The following DPP6 variants were observed in gnomAD, a reference collection of about 807,000 sequenced individuals.
DPP6 encodes A-type potassium channel modulatory protein DPP6.
In DPP6, 69 loss-of-function variants were observed where a neutral mutation model predicts 122.6. The ratio of observed to expected loss-of-function variants is 0.56; its 90% CI spans 0.46 to 0.69. The LOEUF (loss-of-function observed/expected upper bound fraction) is 0.69. DPP6 is among the 30% of genes least tolerant of loss of function. DPP6 has a pLI of 0.00. For synonymous variants in DPP6, 418 were observed against 433.1 expected (o/e 0.97, Z 0.43); for missense variants, 928 against 1,116.9 (o/e 0.83, Z 2.41).
chr7:154,021,007 G>C (rs1798672264), intron 1 of DPP6, among the ~76,000 whole-genome samples: 2 of 152,292 alleles, frequency 1.3e-5, no homozygotes, highest in African/African-American at 2.4e-5. Context: ...ATGATGGGGA[G>C]ATGTGGGAAA....
intron 1 of DPP6, among the ~76,000 whole-genome samples, chr7:154,313,369 G>T (rs990349485): frequency 4.6e-5 from 7 of 152,062 alleles, no homozygotes; most frequent in African/African-American, 1.7e-4. Context: ...AACAGGAACT[G>T]TGATATGAAA....
At chr7:154,072,069 A>AT (rs2150510422) in intron 1 of DPP6, among the ~76,000 whole-genome samples, 1 of 152,338 alleles carries the variant, frequency 6.6e-6, no homozygotes, top group Admixed American at 6.5e-5. Flanking sequence ...GAGTGTACTG[A>AT]TTAGAGTTTC....
At chr7:154,725,593 C>T (rs1482279198) in intron 7 of DPP6, among the ~76,000 whole-genome samples, 2 of 152,192 alleles carry the variant, frequency 1.3e-5, no homozygotes, top group African/African-American at 4.8e-5. Context: ...CAGGCCCCAC[C>T]TCCAATATTA....
the DPP6 span, among the ~76,000 whole-genome samples, chr7:153,875,763 C>T: frequency 0.015 from 2,325 of 151,464 alleles, 31 homozygotes; most frequent in Non-Finnish European, 0.023. Flanking sequence ...AGAGGAAAAA[C>T]GGGACAAACA....
At chr7:154,335,044 T>C (rs1390776125) in intron 1 of DPP6, among the ~76,000 whole-genome samples, 2 of 43,298 alleles carry the variant, frequency 4.6e-5, no homozygotes, top group African/African-American at 2.3e-4. Context: ...ACTGAAATGA[T>C]GATTTCAGTT....
chr7:154,602,001 G>A lies in DPP6; in HGVS notation c.627+35085G>A, dbSNP rs1223659856. Among the ~76,000 whole-genome samples the A allele has an allele frequency of 1.7e-5, 2 of 121,096 alleles. 1 individual carries two copies. The highest frequency in any genetic ancestry group is 3.7e-5 in the Non-Finnish European group (2 of 53,642). 79.4% of individuals were successfully genotyped at this position (121,096 alleles called of 152,430 possible). On this transcript the variant is annotated intron_variant, in intron 5 of 25. Transcript: ENST00000377770. ...ATTAGGTTGGTGCAAAAGTAATTGT[G>A]GTTCTTGCCAGTAAAAGTAATACTT...
chr7:154,165,653 T>A (rs1327484145), intron 1 of DPP6, among the ~76,000 whole-genome samples: 1 of 151,870 alleles, frequency 6.6e-6, no homozygotes, highest in East Asian at 1.9e-4. Context: ...TTTCTCCACA[T>A]CCTCTCCATC....
intron 1 of DPP6, among the ~76,000 whole-genome samples, chr7:154,078,894 T>A (rs1193011639): frequency 1.2e-4 from 17 of 140,532 alleles, no homozygotes; most frequent in African/African-American, 4.2e-4. Context: ...TAAATTTTTT[T>A]AAATTCAAAA....
intron 1 of DPP6, among the ~76,000 whole-genome samples, chr7:154,200,191 C>CT (rs75771640): frequency 6.6e-5 from 10 of 151,046 alleles, no homozygotes; most frequent in African/African-American, 1.2e-4. Context: ...TTCCTGGCTC[C>CT]TTTTTTTTTA....
intron 1 of DPP6, among the ~76,000 whole-genome samples, chr7:154,178,332 C>A (rs572163618): frequency 4.6e-5 from 7 of 152,100 alleles, no homozygotes; most frequent in African/African-American, 1.7e-4. Context: ...CCAGGCCCCA[C>A]ACCTCTTTTA....
chr7:154,074,425 AG>A (rs1803404985), intron 1 of DPP6, among the ~76,000 whole-genome samples: 1 of 152,238 alleles, frequency 6.6e-6, no homozygotes, highest in African/African-American at 2.4e-5. Context: ...ATAAAGTCTT[AG>A]TAATTCTGAT....
chr7:153,756,125 T>A, the DPP6 span, among the ~76,000 whole-genome samples: 1 of 152,028 alleles, frequency 6.6e-6, no homozygotes, highest in African/African-American at 2.4e-5. Context: ...GATTTTGGAC[T>A]TGAATCAGAC....
At chr7:153,767,680 A>C in the DPP6 span, among the ~76,000 whole-genome samples, 1 of 47,374 alleles carries the variant, frequency 2.1e-5, no homozygotes, top group African/African-American at 7.2e-5. Flanking sequence ...TGCCCAGCCT[A>C]AAAAAAAGTG....
chr7:154,370,852 G>C (rs1000691061), intron 1 of DPP6, among the ~76,000 whole-genome samples: 2 of 152,146 alleles, frequency 1.3e-5, no homozygotes, highest in Non-Finnish European at 2.9e-5. Flanking sequence ...CATTCTGTAG[G>C]AAAGTGAGTG....
intron 5 of DPP6, among the ~76,000 whole-genome samples, chr7:154,610,175 GAGA>G (rs1833819138): frequency 6.6e-6 from 1 of 152,218 alleles, no homozygotes; most frequent in Non-Finnish European, 1.5e-5. Context: ...CAACTGAAGA[GAGA>G]AGACGTCTGT....
intron 7 of DPP6, among the ~76,000 whole-genome samples, chr7:154,719,124 G>A (rs912136644): frequency 2.0e-5 from 3 of 150,076 alleles, no homozygotes; most frequent in Non-Finnish European, 4.4e-5. Flanking sequence ...TTCTCCCATC[G>A]CTTATGACTC....
intron 6 of DPP6, among the ~76,000 whole-genome samples, chr7:154,655,711 C>T (rs921350255): frequency 1.9e-4 from 29 of 152,194 alleles, no homozygotes; most frequent in African/African-American, 6.8e-4. Context: ...GCTGCCGTGG[C>T]CTAAATGTGC....
At chr7:154,335,398 T>C (rs1031247497) in intron 1 of DPP6, among the ~76,000 whole-genome samples, 5 of 152,252 alleles carry the variant, frequency 3.3e-5, no homozygotes, top group Non-Finnish European at 5.9e-5. Flanking sequence ...CTAACAAATA[T>C]TGATATTTTG....
the DPP6 span, among the ~76,000 whole-genome samples, chr7:153,854,406 C>T: frequency 6.6e-6 from 1 of 151,602 alleles, no homozygotes; most frequent in Non-Finnish European, 1.5e-5. Context: ...AAACAAACAA[C>T]CCCATCAAAA....
Sources: gnomAD v4.1 joint callset for allele counts (sites outside exome capture counted in the v4.1 genomes callset) on GRCh38, gnomAD v4.1.1 for gene constraint, MANE v1.5 for transcripts, NCBI Gene and HGNC (gene_info 2026-07-23, HGNC 2026-07-21) for gene names.